The following DGKB variants were observed in gnomAD, a reference collection of about 807,000 sequenced individuals.
The protein encoded by DGKB is diacylglycerol kinase beta.
Under a neutral mutation model 114.3 loss-of-function variants are expected in DGKB, and 67 were observed. The ratio of observed to expected loss-of-function variants is 0.59; its 90% CI spans 0.48 to 0.72. DGKB has a LOEUF of 0.72. Ranked by LOEUF, DGKB falls within the 30% of genes least tolerant of loss-of-function variation. The pLI is 0.00. For synonymous variants in DGKB, 398 were observed against 323.1 expected (o/e 1.23, Z -2.49); for missense variants, 907 against 975.2 (o/e 0.93, Z 0.93).
intron 7 of DGKB, among the ~76,000 whole-genome samples, chr7:14,698,377 G>C (rs578217544): frequency 6.6e-6 from 1 of 152,078 alleles, no homozygotes; most frequent in Non-Finnish European, 1.5e-5. Flanking sequence ...CTTGTACATT[G>C]TCTAGAAATT....
At chr7:14,750,835 C>A in intron 4 of DGKB, among the ~76,000 whole-genome samples, 2 of 115,450 alleles carry the variant, frequency 1.7e-5, no homozygotes, top group South Asian at 3.2e-4. Flanking sequence ...GAGTCTCACT[C>A]TGTTGTTGCC....
chr7:14,310,898 G>T (rs763487966), intron 23 of DGKB, among the ~76,000 whole-genome samples: 1 of 152,170 alleles, frequency 6.6e-6, no homozygotes, highest in African/African-American at 2.4e-5. Context: ...TTTGGGGAAG[G>T]TGGGAGGATG....
chr7:14,776,761 A>G (rs1181722457), intron 2 of DGKB, among the ~76,000 whole-genome samples: 2 of 152,202 alleles, frequency 1.3e-5, no homozygotes, highest in Non-Finnish European at 2.9e-5. Context: ...TGGAGAAGGG[A>G]AAAGTGGGGT....
At chr7:14,161,436 G>A (rs1045137080) in intron 25 of DGKB, among the ~76,000 whole-genome samples, 1 of 152,094 alleles carries the variant, frequency 6.6e-6, no homozygotes, top group Non-Finnish European at 1.5e-5. Context: ...ATGATAGACT[G>A]GATAAAGAAA....
intron 23 of DGKB, among the ~76,000 whole-genome samples, chr7:14,321,965 TAATTTTATTCAA>T (rs2128537671): frequency 6.6e-6 from 1 of 152,356 alleles, no homozygotes; most frequent in African/African-American, 2.4e-5. Context: ...CTGATCAATG[TAATTTTATTCAA>T]AATCCCTGTG....
At chr7:14,715,740 C>T (rs2128342927) in intron 6 of DGKB, among the ~76,000 whole-genome samples, 1 of 152,260 alleles carries the variant, frequency 6.6e-6, no homozygotes, top group African/African-American at 2.4e-5. Context: ...AAACAATGTA[C>T]AGAGGGTTCT....
At chr7:14,545,695 C>T (rs754041903) in intron 20 of DGKB, among the ~76,000 whole-genome samples, 2 of 152,212 alleles carry the variant, frequency 1.3e-5, no homozygotes, top group Non-Finnish European at 2.9e-5. Flanking sequence ...CTGGGATCTG[C>T]TGGGCAATGC....
chr7:14,431,243 C>T (rs1828406354), intron 21 of DGKB, among the ~76,000 whole-genome samples: 1 of 152,146 alleles, frequency 6.6e-6, no homozygotes, highest in African/African-American at 2.4e-5. Context: ...GACCGCTGAA[C>T]CATCAGCCAT....
intron 23 of DGKB, among the ~76,000 whole-genome samples, chr7:14,239,227 C>G (rs1279385966): frequency 6.6e-6 from 1 of 151,982 alleles, no homozygotes; most frequent in Non-Finnish European, 1.5e-5. Context: ...GAAAAGGGTA[C>G]AAAGCTTATA....
chr7:14,229,763 A>C (rs1232493856), intron 23 of DGKB, among the ~76,000 whole-genome samples: 1 of 151,942 alleles, frequency 6.6e-6, no homozygotes, highest in Non-Finnish European at 1.5e-5. Context: ...CTCTAAGCAT[A>C]AAGTTGTTAA....
At chr7:14,187,764 T>A (rs1159959970) in intron 23 of DGKB, among the ~76,000 whole-genome samples, 1 of 152,018 alleles carries the variant, frequency 6.6e-6, no homozygotes, top group Non-Finnish European at 1.5e-5. Context: ...CACAATTAGA[T>A]TCACAGATAT....
In DGKB at chr7:14,295,598, A is replaced by G. The variant is rs138137063; in HGVS notation, c.2122+42917T>C. Among the ~76,000 whole-genome samples the G allele has an allele frequency of 6.1e-3, 924 of 152,016 alleles. 13 individuals carry two copies. Among genetic ancestry groups the G allele is most frequent in the African/African-American group, 0.021 (881 of 41,460 alleles). ...TTTTAATAGATAGGTTTTCTGTGAT[A>G]GTTTATTTTCAATACAACTATCTCA... On this transcript the variant is annotated intron_variant, in intron 23 of 25. Transcript: ENST00000402815.
chr7:14,152,140 A>G (rs1488289205), intron 25 of DGKB, among the ~76,000 whole-genome samples: 1 of 152,064 alleles, frequency 6.6e-6, no homozygotes, highest in Non-Finnish European at 1.5e-5. Flanking sequence ...TCTATCCACT[A>G]GAGAAATAAC....
chr7:14,512,402 A>G (rs1247169748), intron 20 of DGKB, among the ~76,000 whole-genome samples: 2 of 152,186 alleles, frequency 1.3e-5, no homozygotes, highest in East Asian at 1.9e-4. Flanking sequence ...AATTTTCTCT[A>G]TCAGAACTAT....
intron 1 of DGKB, among the ~76,000 whole-genome samples, chr7:14,967,615 C>T (rs1459570534): frequency 6.7e-6 from 1 of 148,968 alleles, no homozygotes; most frequent in East Asian, 2.0e-4. Flanking sequence ...GCCACCGCGC[C>T]CAGCCCGTTT....
intron 3 of DGKB, among the ~76,000 whole-genome samples, chr7:14,757,063 T>G (rs751850727): frequency 6.6e-6 from 1 of 152,106 alleles, no homozygotes. Flanking sequence ...TTAAGCTTAC[T>G]GGTAAAAGGT....
intron 23 of DGKB, among the ~76,000 whole-genome samples, chr7:14,214,982 C>CA (rs1788719041): frequency 4.6e-5 from 7 of 152,266 alleles, no homozygotes; most frequent in African/African-American, 1.7e-4. Flanking sequence ...ATTTAGTAAG[C>CA]ACTGTCTATG....
chr7:14,736,486 T>A (rs1831739587), intron 4 of DGKB, among the ~76,000 whole-genome samples: 1 of 152,140 alleles, frequency 6.6e-6, no homozygotes, highest in South Asian at 2.1e-4. Flanking sequence ...TGTTTGAAAC[T>A]TAGTTTGCTC....
At chr7:14,886,681 C>T (rs1235745657) in intron 1 of DGKB, among the ~76,000 whole-genome samples, 1 of 151,908 alleles carries the variant, frequency 6.6e-6, no homozygotes, top group Non-Finnish European at 1.5e-5. Flanking sequence ...AATAATCACT[C>T]ACCTTTATTA....
Sources: allele counts gnomAD v4.1 joint callset (sites outside exome capture counted in the v4.1 genomes callset), GRCh38; gene constraint gnomAD v4.1.1; transcripts MANE v1.5; gene names NCBI Gene and HGNC (gene_info 2026-07-23, HGNC 2026-07-21).